MGAT4C: variants seen among roughly 807,000 people sequenced by gnomAD.
The protein encoded by MGAT4C is alpha-1,3-mannosyl-glycoprotein 4-beta-N-acetylglucosaminyltransferase C.
In MGAT4C, 19 loss-of-function variants were observed where a neutral mutation model predicts 40.1. The observed-to-expected ratio is 0.47, with a 90% CI of 0.33 to 0.70. MGAT4C has a LOEUF of 0.70. Among genes scored for constraint, MGAT4C ranks in the 30% least tolerant of loss-of-function variants. The probability of loss-of-function intolerance (pLI) is 0.02; values close to 1 mark genes in which losing one functional copy is unlikely to be tolerated. For synonymous variants in MGAT4C, 181 were observed against 187.1 expected (o/e 0.97, Z 0.27); for missense variants, 491 against 563.2 (o/e 0.87, Z 1.30).
chr12:86,481,451 A>G (rs77134813), intron 2 of MGAT4C, among the ~76,000 whole-genome samples: 2,072 of 152,228 alleles, frequency 0.014, 40 homozygotes, highest in African/African-American at 0.048. Context: ...AAATGTGTGT[A>G]TTACCCTCTG....
intron 1 of MGAT4C, among the ~76,000 whole-genome samples, chr12:86,812,998 T>C (rs11104103): frequency 0.12 from 18,758 of 152,070 alleles, 1,290 homozygotes; most frequent in Non-Finnish European, 0.15. Context: ...TTACTAGGTT[T>C]CAGGTCAAGA....
At chr12:86,459,160 T>C (rs1026054127) in intron 2 of MGAT4C, among the ~76,000 whole-genome samples, 5 of 152,138 alleles carry the variant, frequency 3.3e-5, no homozygotes, top group African/African-American at 1.2e-4. Flanking sequence ...TAAAGTTTAA[T>C]GTAAAAAACA....
intron 2 of MGAT4C, among the ~76,000 whole-genome samples, chr12:85,989,817 T>A (rs991896037): frequency 6.6e-6 from 1 of 152,040 alleles, no homozygotes; most frequent in Non-Finnish European, 1.5e-5. Context: ...TGAACTTTGG[T>A]CATAATAATG....
At chr12:86,127,510 A>C (rs1880478992) in intron 1 of MGAT4C, among the ~76,000 whole-genome samples, 1 of 152,158 alleles carries the variant, frequency 6.6e-6, no homozygotes, top group African/African-American at 2.4e-5. Flanking sequence ...TTTATAAAAA[A>C]TAATATTCTT....
At chr12:86,191,788 G>GTGTGTGT (rs10526767) in intron 1 of MGAT4C, among the ~76,000 whole-genome samples, 30 of 132,302 alleles carry the variant, frequency 2.3e-4, no homozygotes, top group South Asian at 1.1e-3. Flanking sequence ...GTGTGTGTGT[G>GTGTGTGT]GTGTTTTCAG....
In MGAT4C at chr12:86,286,646, G is replaced by C. The variant is rs145413260; in HGVS notation, c.-57+47419C>G. Among the ~76,000 whole-genome samples the C allele has an allele frequency of 9.9e-4, 151 of 152,198 alleles. 2 individuals are homozygous for C. In the Middle Eastern group the frequency reaches 0.034, roughly 34 times the overall value. The stretch of plus-strand genomic sequence containing the variant: ...TGCAGGTGTGCTATATTGGTAAATT[G>C]TGTGCTGCAGGGGTTTGGTGTACAG... On this transcript the variant is annotated intron_variant, in intron 4 of 7. Transcript: ENST00000548651.
In MGAT4C at chr12:86,291,243, A is replaced by G. The variant is rs535639431; in HGVS notation, c.-57+42822T>C. ...TTTGCCAAGTTCTTAAAAGATTTAT[A>G]TTGCCAAATAGCCACAAGTCCGGGT... On this transcript the variant is annotated intron_variant, in intron 4 of 7. Transcript: ENST00000548651. Among the ~76,000 whole-genome samples the G allele has an allele frequency of 2.0e-5, 3 of 152,358 alleles. No homozygotes were observed. The South Asian group carries it at 6.2e-4, about 32-fold the overall frequency.
intron 3 of MGAT4C, among the ~76,000 whole-genome samples, chr12:86,397,139 T>G (rs994289641): frequency 6.6e-6 from 1 of 152,180 alleles, no homozygotes; most frequent in Admixed American, 6.6e-5. Flanking sequence ...ACTTGCCATA[T>G]TCTATTGAAA....
intron 2 of MGAT4C, among the ~76,000 whole-genome samples, chr12:86,716,526 TG>T (rs1330526192): frequency 6.6e-6 from 1 of 152,158 alleles, no homozygotes; most frequent in Non-Finnish European, 1.5e-5. Context: ...ACTGGCATGC[TG>T]GATCTATTCA....
intron 2 of MGAT4C, among the ~76,000 whole-genome samples, chr12:86,649,531 T>C (rs1963638741): frequency 6.6e-6 from 1 of 151,802 alleles, no homozygotes; most frequent in South Asian, 2.1e-4. Flanking sequence ...TTTATGCAGA[T>C]ATAAAAGCCA....
At chr12:85,983,983 A>C (rs1884933607) in intron 3 of MGAT4C, among the ~76,000 whole-genome samples, 1 of 152,214 alleles carries the variant, frequency 6.6e-6, no homozygotes, top group African/African-American at 2.4e-5. Context: ...CACTGCCTTT[A>C]TGCTACTTTT....
intron 3 of MGAT4C, among the ~76,000 whole-genome samples, chr12:86,365,635 T>C (rs1426853609): frequency 6.6e-6 from 1 of 151,974 alleles, no homozygotes; most frequent in Non-Finnish European, 1.5e-5. Context: ...TGGCTTCAGC[T>C]GGTCCCTCCG....
rs566479787 is a variant in MGAT4C, at chr12:85,971,125, TA to T, written c.*8163del. On this transcript the variant is annotated 3_prime_UTR_variant, in exon 5 of 5. Coordinates refer to ENST00000611864, the MANE Select transcript of MGAT4C (RefSeq NM_001351288.2). ...CATTTATAATAAATTTAATTATTCA[TA>T]AAAAATTAACATTGATATATATATT... 4.6e-4 allele frequency: 70 copies of T among 151,308 alleles called. No individual in the cohort carries two copies. The highest frequency in any genetic ancestry group is 1.7e-3 in the African/African-American group (69 of 41,476). 9.4% of individuals were successfully genotyped at this position (151,308 alleles called of 1,614,324 possible).
intron 1 of MGAT4C, among the ~76,000 whole-genome samples, chr12:86,090,211 A>C (rs1408411006): frequency 4.6e-5 from 7 of 151,702 alleles, no homozygotes; most frequent in Non-Finnish European, 1.0e-4. Context: ...ATTATGTTAA[A>C]AGAGATTTAG....
intron 2 of MGAT4C, among the ~76,000 whole-genome samples, chr12:86,508,689 T>C (rs1396580063): frequency 6.7e-6 from 1 of 148,814 alleles, no homozygotes; most frequent in Non-Finnish European, 1.5e-5. Flanking sequence ...TGGAAAAGTG[T>C]TCCTATTTCT....
chr12:86,001,896 C>A (rs1887340546), intron 2 of MGAT4C: 1 of 152,216 alleles, frequency 6.6e-6, no homozygotes, highest in Admixed American at 6.6e-5. Context: ...CACTTCCTTT[C>A]TTGTGGTCAT....
intron 1 of MGAT4C, among the ~76,000 whole-genome samples, chr12:86,734,570 A>G (rs1010865698): frequency 2.0e-5 from 3 of 151,966 alleles, no homozygotes; most frequent in African/African-American, 7.2e-5. Context: ...TGCCCACTAG[A>G]ATAAGATTAA....
chr12:86,268,956 C>T (rs1487714182), intron 4 of MGAT4C, among the ~76,000 whole-genome samples: 1 of 140,574 alleles, frequency 7.1e-6, no homozygotes, highest in African/African-American at 2.6e-5. Context: ...CACCATCAAC[C>T]CACCCTCACA....
chr12:86,435,370 C>T lies in MGAT4C; in HGVS notation c.-228-105G>A, dbSNP rs79451811. On this transcript the variant is annotated intron_variant, in intron 2 of 7. Transcript: ENST00000548651. ...AGTGACTGTTATTCTGGTAGACTTT[C>T]TCCAAACAAGCCCATTACATTTCTA... 3.2e-4 allele frequency: 49 copies of T among 152,002 alleles called. 1 individual carries two copies. Among genetic ancestry groups the T allele is most frequent in the African/African-American group, 8.4e-4 (35 of 41,522 alleles). The allele number at this position is 152,002 out of a possible 1,614,324, so 9.4% of individuals were successfully genotyped here.
Sources: gnomAD v4.1 joint callset for allele counts (sites outside exome capture counted in the v4.1 genomes callset) on GRCh38, gnomAD v4.1.1 for gene constraint, MANE v1.5 for transcripts, NCBI Gene and HGNC (gene_info 2026-07-23, HGNC 2026-07-21) for gene names.